PDE3A: variants seen among roughly 807,000 people sequenced by gnomAD.
PDE3A encodes cGMP-inhibited 3',5'-cyclic phosphodiesterase 3A.
In PDE3A, 43 loss-of-function variants were observed where a neutral mutation model predicts 98.3. The ratio of observed to expected loss-of-function variants is 0.44; its 90% CI spans 0.34 to 0.56. The LOEUF (loss-of-function observed/expected upper bound fraction) is 0.56. Ranked by LOEUF, PDE3A falls within the 20% of genes least tolerant of loss-of-function variation. The pLI is 0.01. For missense variants in PDE3A, 1,427 were observed against 1,440.7 expected, an observed-to-expected ratio of 0.99 and a Z score of 0.15; for synonymous variants, 663 against 567.9, an observed-to-expected ratio of 1.17 and a Z score of -2.38.
chr12:20,448,722 C>T (rs1441162624), intron 1 of PDE3A, among the ~76,000 whole-genome samples: 3 of 143,242 alleles, frequency 2.1e-5, no homozygotes, highest in Admixed American at 7.0e-5. Flanking sequence ...GGGTAACCTG[C>T]GTTACATTAT....
intron 2 of PDE3A, among the ~76,000 whole-genome samples, chr12:20,579,404 T>C (rs1304132587): frequency 1.3e-5 from 2 of 152,270 alleles, no homozygotes; most frequent in East Asian, 3.9e-4. Flanking sequence ...TTCCCTTTTT[T>C]TTTTATCCTT....
chr12:20,448,510 T>C (rs1403348740), intron 1 of PDE3A, among the ~76,000 whole-genome samples: 1 of 152,200 alleles, frequency 6.6e-6, no homozygotes, highest in Non-Finnish European at 1.5e-5. Context: ...TATGTTACTT[T>C]TGTTAACAGA....
chr12:20,407,555 C>G (rs1310642389), intron 1 of PDE3A, among the ~76,000 whole-genome samples: 1 of 152,032 alleles, frequency 6.6e-6, no homozygotes, highest in Non-Finnish European at 1.5e-5. Flanking sequence ...TTACCAAGTT[C>G]CCAGAGGGAG....
At chr12:20,641,756 T>C (rs1327418199) in intron 10 of PDE3A, among the ~76,000 whole-genome samples, 35 of 152,126 alleles carry the variant, frequency 2.3e-4, no homozygotes, top group Non-Finnish European at 7.4e-5. Context: ...TCTTATTACA[T>C]TTTTATATGT....
chr12:20,593,392 G>A (rs771970165), intron 2 of PDE3A, among the ~76,000 whole-genome samples: 2 of 152,094 alleles, frequency 1.3e-5, no homozygotes, highest in South Asian at 2.1e-4. Context: ...CCCTAACTTC[G>A]CGGAGCCCTG....
Position 20,650,488 on chromosome 12 carries a change from G to A in PDE3A, c.2813G>A (p.Arg938His). ...ATAGATTGGACCAATGAAAATGATC[G>A]TCTACTGGTTTGTCAAATGTGTATA... is the stretch of plus-strand genomic sequence containing the variant. ...VGIDWTNEND[R>H]LLVCQMCIKL... The change falls in exon 14 of 16, where the codon CGT becomes CAT. Residue 938 changes from arginine to histidine, a missense_variant. Physicochemically the swap from Arg to His is conservative, Grantham distance 29 (BLOSUM62 0). This residue lies in a region of PDE3A where 273 missense variants were observed against 420.3 expected (regional missense o/e 0.65). Coordinates refer to ENST00000359062, the MANE Select transcript of PDE3A (RefSeq NM_000921.5). The A allele has an allele frequency of 6.2e-7, 1 of 1,609,898 alleles. No homozygotes were observed. The highest frequency in any genetic ancestry group is 1.3e-5 in the African/African-American group (1 of 74,892).
intron 15 of PDE3A, among the ~76,000 whole-genome samples, chr12:20,668,754 C>G (rs1254854750): frequency 1.3e-5 from 2 of 151,334 alleles, no homozygotes; most frequent in Non-Finnish European, 2.9e-5. Flanking sequence ...GGGGAAAAAA[C>G]AGAACAGAAA....
intron 10 of PDE3A, 24 bp from the exon 11 acceptor site, chr12:20,646,466 A>G: frequency 1.6e-6 from 2 of 1,253,974 alleles, no homozygotes; most frequent in Non-Finnish European, 1.2e-6. Flanking sequence ...TAAACTGATG[A>G]CTGTTCCTGT....
chr12:20,535,111 T>G (rs970407766), intron 1 of PDE3A, among the ~76,000 whole-genome samples: 3 of 152,168 alleles, frequency 2.0e-5, no homozygotes, highest in Non-Finnish European at 4.4e-5. Flanking sequence ...TATAGACATG[T>G]TCATATAATT....
At chr12:20,427,928 G>A (rs568447374) in intron 1 of PDE3A, among the ~76,000 whole-genome samples, 20 of 151,786 alleles carry the variant, frequency 1.3e-4, no homozygotes, top group East Asian at 3.9e-4. Flanking sequence ...ATTTTAGGCC[G>A]GGCATGGTGG....
intron 1 of PDE3A, among the ~76,000 whole-genome samples, chr12:20,547,948 G>A (rs1389457011): frequency 6.6e-6 from 1 of 151,964 alleles, no homozygotes; most frequent in Non-Finnish European, 1.5e-5. Context: ...CTTCTCCTGT[G>A]AACTTTTTAA....
At chr12:20,569,428 A>G (rs1409889693) in intron 2 of PDE3A, among the ~76,000 whole-genome samples, 1 of 152,122 alleles carries the variant, frequency 6.6e-6, no homozygotes, top group Non-Finnish European at 1.5e-5. Context: ...TTACAATAGT[A>G]TGTCTCTCTC....
chr12:20,378,965 T>A (rs972495755), intron 1 of PDE3A, among the ~76,000 whole-genome samples: 6 of 151,906 alleles, frequency 3.9e-5, no homozygotes, highest in African/African-American at 1.4e-4. Context: ...TCCCAGTACC[T>A]TGTTAGAATA....
chr12:20,654,726 A>G (rs1945003622), intron 15 of PDE3A, among the ~76,000 whole-genome samples: 1 of 129,620 alleles, frequency 7.7e-6, no homozygotes, highest in Admixed American at 9.4e-5. Context: ...GTTAGCCAGG[A>G]TGGTCTCGAT....
At chr12:20,672,034 C>G (rs1250861461) in intron 15 of PDE3A, among the ~76,000 whole-genome samples, 5 of 150,486 alleles carry the variant, frequency 3.3e-5, no homozygotes, top group Non-Finnish European at 7.4e-5. Flanking sequence ...ACAAAAATCA[C>G]AAGCATTCTT....
chr12:20,551,836 T>C (rs1311323945), intron 1 of PDE3A: 12 of 1,613,798 alleles, frequency 7.4e-6, no homozygotes, highest in Non-Finnish European at 1.0e-5. Context: ...GGGCATGGCC[T>C]GTGTGGGCCG....
At chr12:20,673,363 G>T (rs376521697) in intron 15 of PDE3A, among the ~76,000 whole-genome samples, 4 of 146,930 alleles carry the variant, frequency 2.7e-5, no homozygotes, top group South Asian at 4.6e-4. Flanking sequence ...TATACCCAAA[G>T]GACTATAAAT....
chr12:20,566,791 G>C (rs867192956), intron 2 of PDE3A, among the ~76,000 whole-genome samples: 18 of 151,904 alleles, frequency 1.2e-4, no homozygotes, highest in Middle Eastern at 3.4e-3. Context: ...AACGTGCAGT[G>C]AATTTTTTTT....
chr12:20,624,012 TAA>T (rs1190494902), intron 5 of PDE3A, among the ~76,000 whole-genome samples: 1 of 152,126 alleles, frequency 6.6e-6, no homozygotes, highest in Non-Finnish European at 1.5e-5. Flanking sequence ...TAATAATACG[TAA>T]TTCAAGAGAT....
Sources: allele counts gnomAD v4.1 joint callset (sites outside exome capture counted in the v4.1 genomes callset), GRCh38; gene constraint gnomAD v4.1.1; regional missense constraint gnomAD v4.1.1; transcripts MANE v1.5; gene names NCBI Gene and HGNC (gene_info 2026-07-23, HGNC 2026-07-21).